SSBP4: variants seen among roughly 807,000 people sequenced by gnomAD.
SSBP4 encodes the protein single stranded DNA binding protein 4.
A neutral mutation model predicts 64.6 loss-of-function variants in SSBP4; 33 were observed. The observed-to-expected ratio is 0.51, with a 90% CI of 0.39 to 0.68. The LOEUF (loss-of-function observed/expected upper bound fraction) is 0.68, where lower values mean the gene tolerates loss of function less well. Among genes scored for constraint, SSBP4 ranks in the 30% least tolerant of loss-of-function variants. The pLI, the probability that SSBP4 is intolerant of heterozygous loss-of-function variation, is 0.00. For synonymous variants in SSBP4, 243 were observed against 224.0 expected (o/e 1.08, Z -0.76); for missense variants, 583 against 566.8 (o/e 1.03, Z -0.29).
rs899258855 is a variant in SSBP4 at position 18,426,932 on chromosome 19, C to T, written c.60-419C>T. On this transcript the variant is annotated intron_variant, in intron 1 of 17. Coordinates refer to ENST00000270061, the MANE Select transcript of SSBP4 (RefSeq NM_032627.5). This position sits in a 1 kb window ranked among gnomAD's most constrained non-coding sequence, Gnocchi z 4.5. ...GGGGATGTGGGGTGGAGGACCCCTT[C>T]CCTCCTTCCTTCCTGGGCCGGGGAG... is the stretch of plus-strand genomic sequence containing the variant. Among the ~76,000 whole-genome samples the T allele has an allele frequency of 6.6e-6, 1 of 152,056 alleles. No individual in the cohort carries two copies. The highest frequency in any genetic ancestry group is 2.4e-5 in the African/African-American group (1 of 41,402).
chr19:18,429,519 C>T (rs1391007879), intron 4 of SSBP4, among the ~76,000 whole-genome samples: 1 of 151,772 alleles, frequency 6.6e-6, no homozygotes, highest in Non-Finnish European at 1.5e-5. Context: ...GCTCAGGCAC[C>T]CGCTGTGGCC....
At chr19:18,431,162 G>C (rs959228184) in intron 5 of SSBP4, among the ~76,000 whole-genome samples, 191 bp from the exon 6 acceptor site, 3 of 151,990 alleles carry the variant, frequency 2.0e-5, no homozygotes, top group African/African-American at 7.3e-5. Context: ...TGTGCGCACA[G>C]GGTGCTTGGG....
At position 18,431,341 on chromosome 19, in the gene SSBP4, C is replaced by G; in HGVS notation, c.370-12C>G. On this transcript the variant is annotated splice_polypyrimidine_tract_variant and intron_variant, in intron 5 of 17. Transcript: ENST00000270061. The stretch of plus-strand genomic sequence containing the variant: ...CTCACTCCCCCCCACCCACCTGGTT[C>G]TGTCCTCCTAGGGCCCCCCCGGCTC... 1 of 544,196 alleles carries G rather than the reference C, an allele frequency of 1.8e-6. No homozygotes were observed. Among genetic ancestry groups the G allele is most frequent in the Non-Finnish European group, 3.2e-6 (1 of 310,312 alleles). 33.7% of individuals were successfully genotyped at this position (544,196 alleles called of 1,614,324 possible). A position where few individuals can be genotyped will look rare whatever the true frequency, so the allele number is the denominator to read the frequency against.
upstream of SSBP4, among the ~76,000 whole-genome samples, chr19:18,418,254 T>C (rs550345979): frequency 2.6e-4 from 40 of 152,120 alleles, no homozygotes; most frequent in African/African-American, 9.6e-4. This position sits in a 1 kb window ranked among gnomAD's most constrained non-coding sequence, Gnocchi z 6.7. Context: ...CGGGCTTGCC[T>C]AGGAAAAAAG....
chr19:18,419,450 G>A lies in SSBP4; in HGVS notation c.-199G>A. ...AAGGGAGGAAAAAAAGCCACCCTGCGGCCGGGGCCGGAGCTGGAGCCGCCG... is the reference window on the plus strand; with the variant it reads ...AAGGGAGGAAAAAAAGCCACCCTGCAGCCGGGGCCGGAGCTGGAGCCGCCG... On this transcript the variant is annotated 5_prime_UTR_variant, in exon 1 of 18. Coordinates refer to ENST00000270061, the MANE Select transcript of SSBP4 (RefSeq NM_032627.5). 2 of 1,059,040 alleles carry A rather than the reference G, an allele frequency of 1.9e-6. No individual in the cohort carries two copies. The highest frequency in any genetic ancestry group is 2.3e-6 in the Non-Finnish European group (2 of 879,400). 65.6% of individuals were successfully genotyped at this position (1,059,040 alleles called of 1,614,324 possible).
At chr19:18,433,972 C>A in intron 17 of SSBP4, 155 bp downstream of exon 17, 1 of 1,177,400 alleles carries the variant, frequency 8.5e-7, no homozygotes, top group Non-Finnish European at 1.1e-6. Context: ...TCTCCTCAAC[C>A]TCTCCCCACC....
the SSBP4 span, among the ~76,000 whole-genome samples, chr19:18,409,100 C>T: frequency 6.6e-6 from 1 of 152,098 alleles, no homozygotes; most frequent in South Asian, 2.1e-4. Flanking sequence ...AGGCATGAGC[C>T]AACATGCCCG....
At chr19:18,417,077 C>T (rs915222784), upstream of SSBP4, among the ~76,000 whole-genome samples, 3 of 151,196 alleles carry the variant, frequency 2.0e-5, no homozygotes, top group Admixed American at 2.0e-4. The surrounding 1 kb of genome is among the most constrained non-coding windows in gnomAD (Gnocchi z 5.4). Context: ...CTCCTTCCCT[C>T]CCTCCCTCCG....
At chr19:18,404,107 C>G in the SSBP4 span, among the ~76,000 whole-genome samples, 2 of 152,008 alleles carry the variant, frequency 1.3e-5, no homozygotes, top group African/African-American at 4.8e-5. Flanking sequence ...CCACCATAGG[C>G]ATGCAGAGAC....
rs1448257304 is a variant in SSBP4, at chr19:18,432,832, C to T, written c.790C>T (p.Pro264Ser). 6.2e-7 allele frequency: 1 copy of T among 1,613,824 alleles called. No homozygotes were observed. The highest frequency in any genetic ancestry group is 1.7e-5 in the Admixed American group (1 of 59,996). The part of the protein sequence containing the change: ...SSSSPGSYTG[P>S]PGGGGPPGTP... ...GGTTCCTGTCTCTTGTGTGCAGGGA[C>T]CCCCAGGAGGAGGTGGGCCCCCTGG... is the stretch of plus-strand genomic sequence containing the variant. The change falls in exon 13 of 18, where the codon CCC becomes TCC. Residue 264 changes from proline to serine, a missense_variant. Transcript: ENST00000270061.
At chr19:18,403,679 C>A in the SSBP4 span, among the ~76,000 whole-genome samples, 6 of 145,520 alleles carry the variant, frequency 4.1e-5, no homozygotes, top group Non-Finnish European at 9.0e-5. Context: ...GTCTGGGGAT[C>A]CAGAAGTCTG....
rs781676316 is a variant in SSBP4, at chr19:18,430,817, T to G, written c.280-24T>G. The G allele has an allele frequency of 3.1e-6, 5 of 1,596,848 alleles. No homozygotes were observed. The East Asian group carries it at 9.1e-5, about 29-fold the overall frequency. On this transcript the variant is annotated intron_variant, in intron 4 of 17. Transcript: ENST00000270061. ...GTGTCCAGGTGTCCTGACCTGGCCCTCTGGGTTTCCCGCACCCTTACAGAG... is the reference window on the plus strand; with the variant it reads ...GTGTCCAGGTGTCCTGACCTGGCCCGCTGGGTTTCCCGCACCCTTACAGAG...
rs767363846 is a variant in SSBP4, at chr19:18,433,124, C to T, written c.913-11C>T. Reference sequence around the variant, plus strand: ...GGTGGCCCGAGTCCCACGCTGTCCCCATGCCCGCAGTTCCCGCTCGGCCCT... The same window carrying T: ...GGTGGCCCGAGTCCCACGCTGTCCCTATGCCCGCAGTTCCCGCTCGGCCCT... On this transcript the variant is annotated splice_polypyrimidine_tract_variant and intron_variant, in intron 14 of 17. Transcript: ENST00000270061. The T allele has an allele frequency of 5.0e-6, 8 of 1,610,858 alleles. No homozygotes were observed. The highest frequency in any genetic ancestry group is 6.8e-6 in the Non-Finnish European group (8 of 1,179,040).
upstream of SSBP4, chr19:18,418,960 C>T: frequency 1.0e-6 from 1 of 985,646 alleles, no homozygotes. The surrounding 1 kb of genome is among the most constrained non-coding windows in gnomAD (Gnocchi z 6.7). Flanking sequence ...TGCGGTGGTT[C>T]CCACCCTTGC....
At chr19:18,428,197 A>G (rs2144744717) in intron 4 of SSBP4, among the ~76,000 whole-genome samples, 1 of 152,254 alleles carries the variant, frequency 6.6e-6, no homozygotes, top group East Asian at 1.9e-4. Context: ...CTCACAGAGT[A>G]AGGGAAAGCT....
chr19:18,410,817 G>T, the SSBP4 span, among the ~76,000 whole-genome samples: 1 of 152,046 alleles, frequency 6.6e-6, no homozygotes, highest in Non-Finnish European at 1.5e-5. Context: ...GCAGGTGCTG[G>T]CTGCCTTGGC....
At chr19:18,414,973 GC>G (rs1185762381), upstream of SSBP4, among the ~76,000 whole-genome samples, 1 of 152,106 alleles carries the variant, frequency 6.6e-6, no homozygotes, top group African/African-American at 2.4e-5. Context: ...AGAAACCCTA[GC>G]TGGCTGTCCA....
chr19:18,427,631 GC>G lies in SSBP4; in HGVS notation c.133-118del, dbSNP rs1283804065. The G allele has an allele frequency of 3.1e-6, 4 of 1,286,612 alleles. No homozygotes were observed. The highest frequency in any genetic ancestry group is 4.2e-6 in the Non-Finnish European group (4 of 947,282). The allele number at this position is 1,286,612 out of a possible 1,614,324, so 79.7% of individuals were successfully genotyped here. A position where few individuals can be genotyped will look rare whatever the true frequency, so the allele number is the denominator to read the frequency against. On this transcript the variant is annotated intron_variant, in intron 2 of 17. Transcript: ENST00000270061. This position sits in a 1 kb window ranked among gnomAD's most constrained non-coding sequence, Gnocchi z 4.4. The stretch of plus-strand genomic sequence containing the variant: ...CCTGCCACACATCCTGGGGCCCTCT[GC>G]CCACCCTGTTACCCTTCCCTCCCCA...
chr19:18,407,212 A>G, the SSBP4 span, among the ~76,000 whole-genome samples: 2 of 151,196 alleles, frequency 1.3e-5, no homozygotes, highest in Non-Finnish European at 2.9e-5. Flanking sequence ...TAATTTTTGT[A>G]TTTTTAGTAG....
Sources: gnomAD v4.1 joint callset for allele counts (sites outside exome capture counted in the v4.1 genomes callset) on GRCh38, gnomAD v4.1.1 for gene constraint, Gnocchi (gnomAD v3.1) non-coding constraint, MANE v1.5 for transcripts, NCBI Gene and HGNC (gene_info 2026-07-23, HGNC 2026-07-21) for gene names.